The following EDEM1 variants were observed in gnomAD, a reference collection of about 807,000 sequenced individuals.
The protein encoded by EDEM1 is ER degradation enhancing alpha-mannosidase like protein 1.
Under a neutral mutation model 74.4 loss-of-function variants are expected in EDEM1, and 67 were observed. The observed-to-expected ratio is 0.90, with a 90% CI of 0.74 to 1.10. The LOEUF (loss-of-function observed/expected upper bound fraction) is 1.10, where lower values mean the gene tolerates loss of function less well. Among genes scored for constraint, EDEM1 ranks in the 50% least tolerant of loss-of-function variants. The pLI, the probability that EDEM1 is intolerant of heterozygous loss-of-function variation, is 0.00. For missense variants in EDEM1, 926 were observed against 851.6 expected, an observed-to-expected ratio of 1.09 and a Z score of -1.09; for synonymous variants, 382 against 335.9, an observed-to-expected ratio of 1.14 and a Z score of -1.50.
chr3:5,207,166 A>G lies in EDEM1; in HGVS notation c.1231A>G (p.Asn411Asp), dbSNP rs1227330750. The G allele has an allele frequency of 1.2e-6, 2 of 1,614,030 alleles. No individual in the cohort carries two copies. Among genetic ancestry groups the G allele is most frequent in the Non-Finnish European group, 1.7e-6 (2 of 1,180,018 alleles). The change falls in exon 7 of 12, where the codon AAT (asparagine) becomes GAT (aspartate). Residue 411 changes from asparagine to aspartate, a missense_variant. Physicochemically the swap from Asn to Asp is conservative, Grantham distance 23. Transcript: ENST00000256497. ...TTGGGTTTGCAGGCGGGAAGCCTGC[A>G]ATGAAGGAGAAGGAGACCCTCCACT... ...NYLRRGREAC[N>D]EGEGDPPLYV...
At chr3:5,195,737 C>G (rs1210970142) in intron 2 of EDEM1, among the ~76,000 whole-genome samples, 2 of 152,236 alleles carry the variant, frequency 1.3e-5, no homozygotes, top group African/African-American at 4.8e-5. Context: ...CCTAGAAACC[C>G]TTCTCTTTTA....
intron 5 of EDEM1, among the ~76,000 whole-genome samples, chr3:5,204,502 CA>C (rs1559297599): frequency 6.6e-6 from 1 of 152,046 alleles, no homozygotes; most frequent in Non-Finnish European, 1.5e-5. Context: ...GTGAACCCCC[CA>C]TCTCAGCCTC....
intron 5 of EDEM1, among the ~76,000 whole-genome samples, chr3:5,204,171 C>T (rs902873287): frequency 2.0e-5 from 3 of 152,126 alleles, no homozygotes; most frequent in Non-Finnish European, 2.9e-5. Context: ...GTGTCACTCC[C>T]GATTGTCAAC....
At chr3:5,212,363 C>G (rs1044490173) in intron 10 of EDEM1, among the ~76,000 whole-genome samples, 4 of 152,244 alleles carry the variant, frequency 2.6e-5, no homozygotes, top group Non-Finnish European at 5.9e-5. Flanking sequence ...GGTTCTTGCT[C>G]TCCTTGCAGG....
chr3:5,194,889 G>A (rs1275593048), intron 1 of EDEM1, among the ~76,000 whole-genome samples: 6 of 152,168 alleles, frequency 3.9e-5, no homozygotes, highest in Admixed American at 2.0e-4. Context: ...TTTAAAGTTG[G>A]ACAGGACCAA....
In EDEM1 at chr3:5,216,173, A is replaced by C. The variant is rs1051178410; in HGVS notation, c.*255A>C. ...GAAATTGCCCTCTTATGACATGTTG[A>C]TGTTATAAGCACAATAGATGGGGCA... On this transcript the variant is annotated 3_prime_UTR_variant, in exon 12 of 12. Coordinates refer to ENST00000256497, the MANE Select transcript of EDEM1 (RefSeq NM_014674.3). 2 of 494,872 alleles carry C rather than the reference A, an allele frequency of 4.0e-6. No homozygotes were observed. Among genetic ancestry groups the C allele is most frequent in the African/African-American group, 4.0e-5 (2 of 49,700 alleles). The allele number at this position is 494,872 out of a possible 1,614,324, so 30.7% of individuals were successfully genotyped here.
At chr3:5,206,562 A>G (rs989999986) in intron 6 of EDEM1, among the ~76,000 whole-genome samples, 2 of 152,178 alleles carry the variant, frequency 1.3e-5, no homozygotes, top group Non-Finnish European at 2.9e-5. Context: ...AGTGCAAGTT[A>G]TAGCTACTGA....
At chr3:5,213,134 G>A (rs1195078407) in intron 10 of EDEM1, among the ~76,000 whole-genome samples, 185 bp from the exon 11 acceptor site, 1 of 152,186 alleles carries the variant, frequency 6.6e-6, no homozygotes, top group East Asian at 1.9e-4. Flanking sequence ...GATGAAGCAG[G>A]TGATTCTGCC....
chr3:5,195,022 C>G, intron 1 of EDEM1, 187 bp from the exon 2 acceptor site: 2 of 395,790 alleles, frequency 5.1e-6, no homozygotes, highest in Non-Finnish European at 9.0e-6. Context: ...TGACTTGATT[C>G]TACTTATGGA....
rs1391454520 is a variant in EDEM1 at position 5,195,485 on chromosome 3, T to TA, written c.582+211dup. On this transcript the variant is annotated intron_variant, in intron 2 of 11. Transcript: ENST00000256497. ...TAAATGAGGGGAAATGTGATTCCAT[T>TA]AAAAAAAGGAGAAGGAATGTACGAT... 1.4e-3 allele frequency among the ~76,000 whole-genome samples: 207 copies of TA among 152,204 alleles called. 1 individual carries two copies. Among genetic ancestry groups the TA allele is most frequent in the African/African-American group, 4.9e-3 (202 of 41,532 alleles).
At chr3:5,192,596 A>G (rs908319451) in intron 1 of EDEM1, among the ~76,000 whole-genome samples, 2 of 152,198 alleles carry the variant, frequency 1.3e-5, no homozygotes, top group African/African-American at 4.8e-5. Flanking sequence ...TTCTTGCTGG[A>G]TGAACTTAAA....
intron 2 of EDEM1, among the ~76,000 whole-genome samples, chr3:5,197,418 A>G (rs1201520818): frequency 6.6e-6 from 1 of 152,192 alleles, no homozygotes; most frequent in Non-Finnish European, 1.5e-5. Context: ...ATTTTCAAAC[A>G]TTAGTGTGAT....
At chr3:5,189,491 T>C (rs1324627855) in intron 1 of EDEM1, 1 of 152,266 alleles carries the variant, frequency 6.6e-6, no homozygotes, top group East Asian at 1.9e-4. Flanking sequence ...AGGAAACCGA[T>C]GAGTTTTTCT....
chr3:5,195,117 G>A, intron 1 of EDEM1, 92 bp from the exon 2 acceptor site: 1 of 631,400 alleles, frequency 1.6e-6, no homozygotes, highest in Non-Finnish European at 2.5e-6. Flanking sequence ...AATAAGAGTT[G>A]CTGGCAATTA....
intron 5 of EDEM1, among the ~76,000 whole-genome samples, chr3:5,204,308 T>C (rs1317394959): frequency 6.6e-6 from 1 of 152,162 alleles, no homozygotes; most frequent in Non-Finnish European, 1.5e-5. Context: ...GGTTGTTGCC[T>C]TGCATTCATA....
In EDEM1 at chr3:5,187,764, G is replaced by GC. The variant is rs763997163; in HGVS notation, c.-37dup. The GC allele has an allele frequency of 3.6e-5, 53 of 1,491,874 alleles. No homozygotes were observed. The South Asian group carries it at 6.1e-4, about 17-fold the overall frequency. 92.4% of individuals were successfully genotyped at this position (1,491,874 alleles called of 1,614,324 possible). On this transcript the variant is annotated 5_prime_UTR_variant, in exon 1 of 12. Coordinates refer to ENST00000256497, the MANE Select transcript of EDEM1 (RefSeq NM_014674.3). ...GCGGGGTGCGGTGGTCGGCGGGGAG[G>GC]CCCCCGCGCTTTAAAATAATGCCCG...
intron 5 of EDEM1, among the ~76,000 whole-genome samples, chr3:5,204,733 A>G (rs2055075035): frequency 6.6e-6 from 1 of 152,286 alleles, no homozygotes; most frequent in Admixed American, 6.5e-5. Flanking sequence ...ATAAATTCCC[A>G]GGAATGGCAG....
chr3:5,189,188 C>G (rs957609148), intron 1 of EDEM1, among the ~76,000 whole-genome samples: 12 of 152,238 alleles, frequency 7.9e-5, no homozygotes, highest in African/African-American at 2.6e-4. Flanking sequence ...TTGCCATAGA[C>G]CCTGTTAGTC....
At chr3:5,191,075 A>T (rs541566359) in intron 1 of EDEM1, among the ~76,000 whole-genome samples, 1 of 152,318 alleles carries the variant, frequency 6.6e-6, no homozygotes, top group African/African-American at 2.4e-5. Context: ...GTACAGTTAA[A>T]TTATTATTGA....
Sources: gnomAD v4.1 joint callset for allele counts (sites outside exome capture counted in the v4.1 genomes callset) on GRCh38, gnomAD v4.1.1 for gene constraint, MANE v1.5 for transcripts, NCBI Gene and HGNC (gene_info 2026-07-23, HGNC 2026-07-21) for gene names.